MAGI3: variants seen among roughly 807,000 people sequenced by gnomAD.
MAGI3 encodes membrane associated guanylate kinase, WW and PDZ domain containing 3.
Under a neutral mutation model 121.8 loss-of-function variants are expected in MAGI3, and 43 were observed. The ratio of observed to expected loss-of-function variants is 0.35; its 90% CI spans 0.28 to 0.46. The LOEUF (loss-of-function observed/expected upper bound fraction) is 0.46, where lower values mean the gene tolerates loss of function less well. MAGI3 is among the 20% of genes least tolerant of loss of function. MAGI3 has a pLI of 1.00. For synonymous variants in MAGI3, 553 were observed against 639.3 expected, an observed-to-expected ratio of 0.86 and a Z score of 2.04; for missense variants, 1,547 against 1,797.3, an observed-to-expected ratio of 0.86 and a Z score of 2.52.
chr1:113,401,301 G>T (rs372414350), intron 1 of MAGI3, among the ~76,000 whole-genome samples: 1 of 152,038 alleles, frequency 6.6e-6, no homozygotes, highest in African/African-American at 2.4e-5. Context: ...AATTGTTTGC[G>T]TGGGTGTTAA....
At chr1:113,515,006 G>C (rs1012443548) in intron 1 of MAGI3, among the ~76,000 whole-genome samples, 10 of 151,984 alleles carry the variant, frequency 6.6e-5, no homozygotes, top group Non-Finnish European at 1.3e-4. Context: ...GGCATATATT[G>C]TGCATCTTTG....
At chr1:113,656,425 T>C (rs953158374) in intron 15 of MAGI3, among the ~76,000 whole-genome samples, 1 of 151,844 alleles carries the variant, frequency 6.6e-6, no homozygotes, top group Non-Finnish European at 1.5e-5. Flanking sequence ...TTTTCTTTTT[T>C]TTTTTTTTGA....
chr1:113,437,057 G>A (rs999298302), intron 1 of MAGI3, among the ~76,000 whole-genome samples: 5 of 151,782 alleles, frequency 3.3e-5, no homozygotes, highest in African/African-American at 9.7e-5. Context: ...CTTGTGATCC[G>A]CCTGCCTTGG....
At chr1:113,594,042 A>G (rs573421773) in intron 5 of MAGI3, among the ~76,000 whole-genome samples, 1 of 152,324 alleles carries the variant, frequency 6.6e-6, no homozygotes, top group South Asian at 2.1e-4. Context: ...AGCTTCCCAC[A>G]CAGTACCTAC....
chr1:113,505,106 T>C (rs1383914300), intron 1 of MAGI3, among the ~76,000 whole-genome samples: 1 of 152,024 alleles, frequency 6.6e-6, no homozygotes, highest in African/African-American at 2.4e-5. Flanking sequence ...TAGAGAGTTA[T>C]AATAATACAA....
intron 1 of MAGI3, among the ~76,000 whole-genome samples, chr1:113,504,609 G>A (rs777783079): frequency 8.5e-5 from 13 of 152,080 alleles, no homozygotes; most frequent in Non-Finnish European, 1.5e-4. Flanking sequence ...ATTGCTGTTG[G>A]AAATGTAAGA....
At chr1:113,546,378 C>T (rs965179805) in intron 1 of MAGI3, among the ~76,000 whole-genome samples, 1 of 152,054 alleles carries the variant, frequency 6.6e-6, no homozygotes, top group Non-Finnish European at 1.5e-5. Flanking sequence ...ACTCTGTTGC[C>T]CAGGCTGAAG....
intron 1 of MAGI3, among the ~76,000 whole-genome samples, chr1:113,465,641 A>G (rs1655246422): frequency 6.6e-6 from 1 of 152,166 alleles, no homozygotes; most frequent in East Asian, 1.9e-4. Context: ...TAAACATGGA[A>G]TATCTTTCAA....
At chr1:113,486,651 CTTT>C (rs767164528) in intron 1 of MAGI3, among the ~76,000 whole-genome samples, 8 of 124,010 alleles carry the variant, frequency 6.5e-5, no homozygotes, top group Admixed American at 1.7e-4. Context: ...TCTTCAAAGT[CTTT>C]TTTTTTTTTT....
intron 9 of MAGI3, among the ~76,000 whole-genome samples, chr1:113,635,960 T>A (rs1651988360): frequency 6.6e-6 from 1 of 152,048 alleles, no homozygotes; most frequent in South Asian, 2.1e-4. Context: ...CTTGGGAGGG[T>A]GTATGTGTCG....
rs1652339623 is a variant in MAGI3, at chr1:113,416,188, ATTATGTAATTAATGACACATATTAT to A, written c.316+24841_316+24865del. 2.0e-4 allele frequency among the ~76,000 whole-genome samples: 7 copies of A among 35,284 alleles called. 1 individual carries two copies. The highest frequency in any genetic ancestry group is 3.3e-4 in the Non-Finnish European group (6 of 18,444). The allele number at this position is 35,284 out of a possible 152,430, so 23.1% of individuals were successfully genotyped here. ...ATTATGTAATTAATGACACATATTA[ATTATGTAATTAATGACACATATTAT>A]TATGTGTAATTAATGACACATATTA... On this transcript the variant is annotated intron_variant, in intron 1 of 20. Transcript: ENST00000307546.
rs1648410274 is a variant in MAGI3, at chr1:113,684,213, C to T, written c.*199C>T. 1 of 510,836 alleles carries T rather than the reference C, an allele frequency of 2.0e-6. No homozygotes were observed. Among genetic ancestry groups the T allele is most frequent in the Non-Finnish European group, 3.2e-6 (1 of 311,560 alleles). The allele number at this position is 510,836 out of a possible 1,614,324, so 31.6% of individuals were successfully genotyped here. On this transcript the variant is annotated 3_prime_UTR_variant, in exon 21 of 21. Coordinates refer to ENST00000307546, the MANE Select transcript of MAGI3 (RefSeq NM_001142782.2). Reference sequence around the variant, plus strand: ...GTCCCCCTGGCCGGCTGCCCTCCCTCGCTCTCAGGAAGGAGCTGCATCCAC... The same window carrying T: ...GTCCCCCTGGCCGGCTGCCCTCCCTTGCTCTCAGGAAGGAGCTGCATCCAC...
intron 2 of MAGI3, among the ~76,000 whole-genome samples, chr1:113,560,485 A>G (rs902619794): frequency 2.0e-5 from 3 of 152,170 alleles, no homozygotes; most frequent in Non-Finnish European, 2.9e-5. Flanking sequence ...ATACAACTAC[A>G]TGGAAATTGA....
intron 2 of MAGI3, among the ~76,000 whole-genome samples, chr1:113,571,259 T>C (rs1435797613): frequency 6.6e-6 from 1 of 152,212 alleles, no homozygotes; most frequent in African/African-American, 2.4e-5. Flanking sequence ...TATGTATCGG[T>C]TTTGGTACCA....
In MAGI3 at chr1:113,524,827, T is replaced by C. The variant is rs144573672; in HGVS notation, c.317-24688T>C. On this transcript the variant is annotated intron_variant, in intron 1 of 20. Transcript: ENST00000307546. Reference sequence around the variant, plus strand: ...AAGAGATGAGATTTGGGAGGGACCCTGGGCAGAATGATATGGTTTGGCTGT... The same window carrying C: ...AAGAGATGAGATTTGGGAGGGACCCCGGGCAGAATGATATGGTTTGGCTGT... Among the ~76,000 whole-genome samples, 856 of 152,272 alleles carry C rather than the reference T, an allele frequency of 5.6e-3. 14 individuals carry two copies. Among genetic ancestry groups the C allele is most frequent in the African/African-American group, 0.02 (825 of 41,570 alleles).
intron 16 of MAGI3, among the ~76,000 whole-genome samples, chr1:113,669,651 T>C (rs537603396): frequency 1.3e-5 from 2 of 152,250 alleles, no homozygotes; most frequent in South Asian, 4.2e-4. Flanking sequence ...TGCCTCAGCC[T>C]CCCAAGTAGC....
In MAGI3 at chr1:113,459,352, A is replaced by C. The variant is rs1369351024; in HGVS notation, c.316+68003A>C. ...ATCATCAGCATTTGTCTACCTATGAACTTCATCAAGTAAATTTAGCTTCAT... is the reference window on the plus strand; with the variant it reads ...ATCATCAGCATTTGTCTACCTATGACCTTCATCAAGTAAATTTAGCTTCAT... On this transcript the variant is annotated intron_variant, in intron 1 of 20. Coordinates refer to ENST00000307546, the MANE Select transcript of MAGI3 (RefSeq NM_001142782.2). Among the ~76,000 whole-genome samples the C allele has an allele frequency of 2.0e-5, 3 of 152,234 alleles. No homozygotes were observed. The East Asian group carries it at 5.8e-4, about 29-fold the overall frequency.
chr1:113,504,344 A>G (rs569670548), intron 1 of MAGI3, among the ~76,000 whole-genome samples: 1 of 152,282 alleles, frequency 6.6e-6, no homozygotes, highest in South Asian at 2.1e-4. Context: ...TATCTATAAT[A>G]TGGAAACAAC....
At chr1:113,610,590 TC>T (rs555199309) in intron 6 of MAGI3, among the ~76,000 whole-genome samples, 5 of 152,028 alleles carry the variant, frequency 3.3e-5, no homozygotes, top group African/African-American at 4.8e-5. Context: ...AGATATGACA[TC>T]CCCCCAGCTG....
Sources: gnomAD v4.1 joint callset for allele counts (sites outside exome capture counted in the v4.1 genomes callset) on GRCh38, gnomAD v4.1.1 for gene constraint, MANE v1.5 for transcripts, NCBI Gene and HGNC (gene_info 2026-07-23, HGNC 2026-07-21) for gene names.